Variants in MARCHF1 observed in about 807,000 individuals in gnomAD.
The protein encoded by MARCHF1 is E3 ubiquitin-protein ligase MARCHF1.
MARCHF1 carries 40 observed loss-of-function variants against 54.2 expected under a neutral mutation model. The observed-to-expected ratio is 0.74, with a 90% confidence interval of 0.57 to 0.96. The LOEUF (loss-of-function observed/expected upper bound fraction) is 0.96, where lower values mean the gene tolerates loss of function less well. Among genes scored for constraint, MARCHF1 ranks in the 40% least tolerant of loss-of-function variants. MARCHF1 has a pLI of 0.00. For missense variants in MARCHF1, 586 were observed against 656.5 expected (o/e 0.89, Z 1.17); for synonymous variants, 236 against 236.3 (o/e 1.00, Z 0.01).
intron 4 of MARCHF1, among the ~76,000 whole-genome samples, chr4:163,782,778 C>T (rs1298194861): frequency 1.3e-5 from 2 of 151,742 alleles, no homozygotes; most frequent in Admixed American, 1.3e-4. Flanking sequence ...GAGTAGGCTG[C>T]AAAGTCAGAC....
chr4:164,195,156 A>G (rs959499805), intron 1 of MARCHF1, among the ~76,000 whole-genome samples: 1 of 152,020 alleles, frequency 6.6e-6, no homozygotes, highest in South Asian at 2.1e-4. Flanking sequence ...GTCACTCATT[A>G]GCTCTAAGTT....
chr4:163,559,505 G>A (rs1739399461), intron 8 of MARCHF1, among the ~76,000 whole-genome samples: 1 of 152,150 alleles, frequency 6.6e-6, no homozygotes, highest in Admixed American at 6.5e-5. Flanking sequence ...ACAATGAGAA[G>A]CTGCAGACTG....
chr4:163,869,393 TC>T (rs982438758), intron 3 of MARCHF1, among the ~76,000 whole-genome samples: 48 of 152,174 alleles, frequency 3.2e-4, no homozygotes, highest in African/African-American at 1.2e-3. Context: ...ACAGATTTGC[TC>T]ATATGATGAG....
chr4:163,545,947 ATGTGTGTGTGTGTGTGTGTGTG>A (rs70948653), intron 8 of MARCHF1, among the ~76,000 whole-genome samples: 1 of 148,934 alleles, frequency 6.7e-6, no homozygotes. Context: ...TTAAATACAT[ATGTGTGTGTGTGTGTGTGTGTG>A]TGTGTGTGTG....
chr4:164,334,450 G>A (rs1456714507), intron 1 of MARCHF1, among the ~76,000 whole-genome samples: 1 of 151,728 alleles, frequency 6.6e-6, no homozygotes, highest in African/African-American at 2.4e-5. Flanking sequence ...AACCAAAAAA[G>A]CCAGAATGAC....
rs373424879 is a variant in MARCHF1, at chr4:164,078,052, A to T, written c.-248+33536T>A. ...CTGGGTATATACCCAAAGGATTATA[A>T]ATCATTCCACTATAAAGACACATGC... is the stretch of plus-strand genomic sequence containing the variant. On this transcript the variant is annotated intron_variant, in intron 2 of 9. Coordinates refer to ENST00000514618, the MANE Select transcript of MARCHF1 (RefSeq NM_001394959.1). Among the ~76,000 whole-genome samples the T allele has an allele frequency of 3.9e-5, 6 of 152,344 alleles. No homozygotes were observed. The East Asian group carries it at 9.6e-4, about 24-fold the overall frequency.
intron 5 of MARCHF1, among the ~76,000 whole-genome samples, chr4:163,649,126 T>C (rs961617167): frequency 1.2e-4 from 18 of 152,056 alleles, no homozygotes; most frequent in African/African-American, 4.3e-4. Context: ...GTGAATTAGG[T>C]ACCTGGTTCA....
intron 1 of MARCHF1, among the ~76,000 whole-genome samples, chr4:164,242,289 G>T (rs1252092821): frequency 6.9e-6 from 1 of 144,848 alleles, no homozygotes; most frequent in Non-Finnish European, 1.5e-5. Flanking sequence ...CTGAGAACGG[G>T]CAGACTGCCT....
At chr4:164,262,244 A>G (rs1174474582) in intron 1 of MARCHF1, among the ~76,000 whole-genome samples, 1 of 152,134 alleles carries the variant, frequency 6.6e-6, no homozygotes, top group African/African-American at 2.4e-5. Flanking sequence ...ATGCATGACT[A>G]TGTGCAGACT....
intron 1 of MARCHF1, among the ~76,000 whole-genome samples, chr4:164,259,901 C>T (rs1245058377): frequency 6.6e-6 from 1 of 152,118 alleles, no homozygotes; most frequent in Non-Finnish European, 1.5e-5. Context: ...TACTGCATGG[C>T]ACAGAGAAAA....
chr4:164,346,587 A>C (rs1730104664), intron 1 of MARCHF1, among the ~76,000 whole-genome samples: 2 of 72,552 alleles, frequency 2.8e-5, no homozygotes, highest in South Asian at 4.5e-4. Flanking sequence ...GATGTCCTCA[A>C]ACCTGTATGT....
intron 4 of MARCHF1, among the ~76,000 whole-genome samples, chr4:163,792,709 T>C (rs796180619): frequency 9.9e-5 from 15 of 152,246 alleles, no homozygotes; most frequent in African/African-American, 3.6e-4. Context: ...TATATGGAAA[T>C]TAGAATTAAA....
In MARCHF1 at chr4:163,612,990, G is replaced by A; in HGVS notation, c.291C>T (p.Thr97=). ...TAGCAGGGCTCAGCACCATGACAGG[G>A]GTGCAATACTCAAATGACTCTTCTG... ...DMSEESFEYC[T]PVMVLSPARK... Residue 97 remains threonine, a synonymous_variant, in exon 7 of 10, where the codon ACC becomes ACT. Coordinates refer to ENST00000514618, the MANE Select transcript of MARCHF1 (RefSeq NM_001394959.1). 1.3e-6 allele frequency: 2 copies of A among 1,525,578 alleles called. No individual in the cohort carries two copies. Among genetic ancestry groups the A allele is most frequent in the Non-Finnish European group, 8.7e-7 (1 of 1,143,574 alleles). 94.5% of individuals were successfully genotyped at this position (1,525,578 alleles called of 1,614,324 possible).
intron 1 of MARCHF1, among the ~76,000 whole-genome samples, chr4:164,325,684 G>A (rs976997909): frequency 4.6e-5 from 7 of 151,732 alleles, no homozygotes; most frequent in Non-Finnish European, 8.8e-5. Context: ...AGCCAAGATC[G>A]CCACTGTACT....
intron 5 of MARCHF1, among the ~76,000 whole-genome samples, chr4:163,617,645 T>C (rs996214792): frequency 3.3e-5 from 5 of 152,182 alleles, no homozygotes; most frequent in African/African-American, 1.2e-4. Flanking sequence ...CTAAGCAGTA[T>C]ATAATGTTGT....
At chr4:164,102,834 G>C (rs1163391712) in intron 2 of MARCHF1, among the ~76,000 whole-genome samples, 6 of 122,694 alleles carry the variant, frequency 4.9e-5, no homozygotes, top group Non-Finnish European at 8.5e-5. Flanking sequence ...TGGATAAAGA[G>C]TCAAGACCCA....
At chr4:164,072,732 T>C (rs1222963835) in intron 2 of MARCHF1, among the ~76,000 whole-genome samples, 2 of 151,160 alleles carry the variant, frequency 1.3e-5, no homozygotes, top group Admixed American at 1.3e-4. Flanking sequence ...AAAACTTCAT[T>C]AGTGTTCTAT....
intron 1 of MARCHF1, among the ~76,000 whole-genome samples, chr4:164,328,057 A>C (rs1369939049): frequency 5.3e-5 from 8 of 152,228 alleles, no homozygotes; most frequent in Admixed American, 5.2e-4. Flanking sequence ...CTATACCCTC[A>C]GGGAGAGTAC....
chr4:164,178,040 T>G (rs527586368), intron 1 of MARCHF1, among the ~76,000 whole-genome samples: 8 of 152,310 alleles, frequency 5.3e-5, no homozygotes, highest in African/African-American at 1.7e-4. Context: ...AACAGAGTAC[T>G]GATGTGCAGC....
Sources: allele counts gnomAD v4.1 joint callset (sites outside exome capture counted in the v4.1 genomes callset), GRCh38; gene constraint gnomAD v4.1.1; transcripts MANE v1.5; gene names NCBI Gene and HGNC (gene_info 2026-07-23, HGNC 2026-07-21).